SLC4A4: variants seen among roughly 807,000 people sequenced by gnomAD.
SLC4A4 encodes the protein solute carrier family 4 member 4.
Under a neutral mutation model 111.5 loss-of-function variants are expected in SLC4A4, and 27 were observed. That is an observed-to-expected ratio of 0.24 (90% CI 0.18 to 0.33). The LOEUF is 0.33. SLC4A4 is among the 10% of genes least tolerant of loss of function. The probability of loss-of-function intolerance (pLI) is 1.00; values close to 1 mark genes in which losing one functional copy is unlikely to be tolerated. For missense variants in SLC4A4, 909 were observed against 1,315.5 expected (o/e 0.69, Z 4.78); for synonymous variants, 443 against 463.4 (o/e 0.96, Z 0.57).
chr4:71,437,473 C>G (rs569318730), intron 7 of SLC4A4: 56 of 353,818 alleles, frequency 1.6e-4, no homozygotes, highest in African/African-American at 1.0e-3. Flanking sequence ...GTGTGTTTCT[C>G]CTTTTGCTGG....
chr4:71,322,329 T>A (rs1379127384), intron 3 of SLC4A4, among the ~76,000 whole-genome samples: 2 of 151,982 alleles, frequency 1.3e-5, no homozygotes, highest in Non-Finnish European at 2.9e-5. Context: ...TCTTTAAGGT[T>A]CGGTGCCTCT....
At chr4:71,450,597 GGTTGT>G in intron 10 of SLC4A4, 54 bp downstream of exon 10, 1 of 1,540,822 alleles carries the variant, frequency 6.5e-7, no homozygotes, top group East Asian at 2.3e-5. Context: ...CTGAGAAGGA[GGTTGT>G]GTTAAAAAAA....
At position 71,439,463 on chromosome 4, in the gene SLC4A4, A is replaced by G. The variant is rs1286867533; in HGVS notation, c.808-1153A>G. 6.1e-5 allele frequency among the ~76,000 whole-genome samples: 9 copies of G among 146,588 alleles called. No homozygotes were observed. In the East Asian group the frequency reaches 1.2e-3, roughly 20 times the overall value. Reference sequence around the variant, plus strand: ...AAAAAAAAAAAAAAAAAAAAAAAAAAAAAAAAAAGAAAAGAAAATCCCCAG... The same window carrying G: ...AAAAAAAAAAAAAAAAAAAAAAAAAGAAAAAAAAGAAAAGAAAATCCCCAG... On this transcript the variant is annotated intron_variant, in intron 7 of 25. Coordinates refer to ENST00000264485, the MANE Select transcript of SLC4A4 (RefSeq NM_001098484.3).
chr4:71,137,816 C>A (rs994666306), intron 2 of SLC4A4, among the ~76,000 whole-genome samples: 8 of 152,134 alleles, frequency 5.3e-5, no homozygotes, highest in Admixed American at 2.6e-4. Context: ...TCGTTTCTCG[C>A]TTGTTTTGCT....
intron 12 of SLC4A4, among the ~76,000 whole-genome samples, chr4:71,464,121 A>T (rs1218080948): frequency 1.3e-5 from 2 of 152,312 alleles, no homozygotes; most frequent in South Asian, 2.1e-4. Context: ...GTTGTAAAAA[A>T]GAAAGATAAA....
intron 3 of SLC4A4, among the ~76,000 whole-genome samples, chr4:71,317,548 T>G (rs1560405301): frequency 6.6e-6 from 1 of 152,080 alleles, no homozygotes; most frequent in Non-Finnish European, 1.5e-5. Context: ...TAATATATAG[T>G]CCTTGGATAT....
At chr4:71,205,944 G>A (rs931643596) in intron 1 of SLC4A4, among the ~76,000 whole-genome samples, 3 of 152,156 alleles carry the variant, frequency 2.0e-5, no homozygotes, top group African/African-American at 7.2e-5. Flanking sequence ...ATAAGGATAA[G>A]GCAACTTTAA....
At chr4:71,128,951 T>A (rs1454161267) in intron 2 of SLC4A4, among the ~76,000 whole-genome samples, 1 of 152,156 alleles carries the variant, frequency 6.6e-6, no homozygotes, top group Non-Finnish European at 1.5e-5. Flanking sequence ...TCTGGGTTAC[T>A]CAAATATTCT....
intron 3 of SLC4A4, among the ~76,000 whole-genome samples, chr4:71,313,925 T>C (rs1726427463): frequency 6.6e-6 from 1 of 152,174 alleles, no homozygotes; most frequent in Non-Finnish European, 1.5e-5. Flanking sequence ...AAATGGGATC[T>C]AATTAAACTA....
chr4:71,182,038 A>C (rs1327483796), intron 2 of SLC4A4, among the ~76,000 whole-genome samples: 1 of 152,194 alleles, frequency 6.6e-6, no homozygotes, highest in Non-Finnish European at 1.5e-5. Context: ...TAGCATTCCA[A>C]GATAATGGAC....
At chr4:71,392,300 A>C (rs1399537116) in intron 6 of SLC4A4, among the ~76,000 whole-genome samples, 1 of 152,114 alleles carries the variant, frequency 6.6e-6, no homozygotes, top group Non-Finnish European at 1.5e-5. Flanking sequence ...TTGTGTGTTT[A>C]TGTGGCAAGG....
chr4:71,325,399 T>C (rs959401931), intron 3 of SLC4A4, among the ~76,000 whole-genome samples: 3 of 152,044 alleles, frequency 2.0e-5, no homozygotes, highest in Non-Finnish European at 2.9e-5. Flanking sequence ...TTTAAAACAA[T>C]TTTGCTTTTA....
At chr4:71,180,745 G>A (rs992195045) in intron 2 of SLC4A4, among the ~76,000 whole-genome samples, 2 of 152,208 alleles carry the variant, frequency 1.3e-5, no homozygotes, top group Non-Finnish European at 2.9e-5. Context: ...CTTTTACACT[G>A]TTGGTGGGAC....
chr4:71,342,800 G>C (rs745375385), intron 4 of SLC4A4, among the ~76,000 whole-genome samples: 1 of 152,256 alleles, frequency 6.6e-6, no homozygotes, highest in East Asian at 1.9e-4. Flanking sequence ...TTTCACTCAA[G>C]ATTTTTAAAG....
In SLC4A4 at chr4:71,190,332, T is replaced by G. The variant is rs1745668776; in HGVS notation, c.-2+2931T>G. Among the ~76,000 whole-genome samples, 3 of 151,838 alleles carry G rather than the reference T, an allele frequency of 2.0e-5. 1 individual carries two copies. The South Asian group carries it at 6.2e-4, about 32-fold the overall frequency. On this transcript the variant is annotated intron_variant, in intron 1 of 25. Transcript: ENST00000264485. Reference sequence around the variant, plus strand: ...CTCAGTAGTGCACAGCTTTGGTTATTTTTCCAGCAATAGGGATGGAGTCTC... The same window carrying G: ...CTCAGTAGTGCACAGCTTTGGTTATGTTTCCAGCAATAGGGATGGAGTCTC...
At chr4:71,540,200 C>A (rs1734914988) in intron 18 of SLC4A4, among the ~76,000 whole-genome samples, 1 of 152,134 alleles carries the variant, frequency 6.6e-6, no homozygotes, top group Non-Finnish European at 1.5e-5. Flanking sequence ...TTGTCTGGAT[C>A]TTTGTGGGCC....
At chr4:71,466,006 G>T (rs1727276431) in intron 12 of SLC4A4, among the ~76,000 whole-genome samples, 1 of 152,084 alleles carries the variant, frequency 6.6e-6, no homozygotes, top group African/African-American at 2.4e-5. Context: ...GTACATAAAA[G>T]AGAGCTACTG....
chr4:71,525,210 T>A (rs1429399362), intron 16 of SLC4A4, among the ~76,000 whole-genome samples: 1 of 152,138 alleles, frequency 6.6e-6, no homozygotes, highest in East Asian at 1.9e-4. Flanking sequence ...TCCTTTTCCA[T>A]CCACTTAATT....
intron 6 of SLC4A4, among the ~76,000 whole-genome samples, chr4:71,370,903 C>T (rs1731812903): frequency 6.6e-6 from 1 of 152,124 alleles, no homozygotes; most frequent in African/African-American, 2.4e-5. Flanking sequence ...AACCCTGGAC[C>T]AATCCTTCTG....
Sources: allele counts gnomAD v4.1 joint callset (sites outside exome capture counted in the v4.1 genomes callset), GRCh38; gene constraint gnomAD v4.1.1; transcripts MANE v1.5; gene names NCBI Gene and HGNC (gene_info 2026-07-23, HGNC 2026-07-21).